RARB: variants seen among roughly 807,000 people sequenced by gnomAD.
RARB encodes the protein retinoic acid receptor beta, also known as HBV-activated protein.
A neutral mutation model predicts 51.9 loss-of-function variants in RARB; 17 were observed. The ratio of observed to expected loss-of-function variants is 0.33; its 90% CI spans 0.22 to 0.49. RARB has a LOEUF of 0.49. Ranked by LOEUF, RARB falls within the 20% of genes least tolerant of loss-of-function variation. RARB has a pLI of 0.99. For synonymous variants in RARB, 215 were observed against 195.4 expected (o/e 1.10, Z -0.84); for missense variants, 369 against 550.8 (o/e 0.67, Z 3.30).
intron 5 of RARB, among the ~76,000 whole-genome samples, chr3:25,331,451 G>T (rs1189122778): frequency 6.6e-6 from 1 of 152,144 alleles, no homozygotes; most frequent in Non-Finnish European, 1.5e-5. Flanking sequence ...AACGAAGGCA[G>T]AAATAAAGAT....
At chr3:25,068,495 T>C (rs980604424) in intron 3 of RARB, among the ~76,000 whole-genome samples, 13 of 152,100 alleles carry the variant, frequency 8.5e-5, no homozygotes, top group African/African-American at 3.1e-4. Context: ...ATAAATTAAA[T>C]AAAAAGACTT....
chr3:24,904,870 G>A (rs1694820453), intron 2 of RARB, among the ~76,000 whole-genome samples: 1 of 152,226 alleles, frequency 6.6e-6, no homozygotes, highest in South Asian at 2.1e-4. Context: ...CAGGGACATG[G>A]ATGAAGCTGG....
chr3:25,061,816 G>C (rs1038538353), intron 3 of RARB, among the ~76,000 whole-genome samples: 3 of 151,718 alleles, frequency 2.0e-5, no homozygotes, highest in African/African-American at 7.2e-5. Flanking sequence ...TGATTTGTTA[G>C]AATAAGTATA....
At position 25,593,498 on chromosome 3, in the gene RARB, TCCAG is replaced by T. The variant is rs1575550230; in HGVS notation, c.787-4_787-1del. ...GAACATCCATCAATTTTTTTTTCCT[TCCAG>T]ATTCTTAGAATTTGCACCAGGTATA... On this transcript the variant is annotated splice_acceptor_variant and splice_polypyrimidine_tract_variant and intron_variant, in intron 5 of 7. Coordinates refer to ENST00000330688, the MANE Select transcript of RARB (RefSeq NM_000965.5). LOFTEE classifies it high-confidence loss of function. 1 of 1,612,702 alleles carries T rather than the reference TCCAG, an allele frequency of 6.2e-7. No homozygotes were observed. The highest frequency in any genetic ancestry group is 8.5e-7 in the Non-Finnish European group (1 of 1,178,964).
At chr3:25,504,172 C>G (rs961488241) in intron 3 of RARB, among the ~76,000 whole-genome samples, 4 of 152,214 alleles carry the variant, frequency 2.6e-5, no homozygotes, top group South Asian at 2.1e-4. Context: ...GAGTAATATG[C>G]TGGATCCAAA....
chr3:24,836,452 A>C (rs1333185991), intron 1 of RARB, among the ~76,000 whole-genome samples: 1 of 152,176 alleles, frequency 6.6e-6, no homozygotes, highest in Non-Finnish European at 1.5e-5. Flanking sequence ...CAACAGCTTC[A>C]TGACTGGAGA....
chr3:25,122,559 G>A (rs764670867), intron 3 of RARB, among the ~76,000 whole-genome samples: 3 of 152,066 alleles, frequency 2.0e-5, no homozygotes, highest in Admixed American at 6.6e-5. Context: ...TCAGACTTAC[G>A]GCAAGGGACA....
intron 6 of RARB, 84 bp from the exon 7 acceptor site, chr3:25,594,436 A>G (rs1257613245): frequency 1.5e-6 from 2 of 1,369,916 alleles, no homozygotes; most frequent in Non-Finnish European, 2.0e-6. Context: ...TAATGAACTC[A>G]TAACAGTAGG....
intron 2 of RARB, among the ~76,000 whole-genome samples, chr3:24,955,071 G>T (rs1285107438): frequency 6.6e-6 from 1 of 152,200 alleles, no homozygotes; most frequent in Non-Finnish European, 1.5e-5. Flanking sequence ...TTTTTTGGCA[G>T]TCAGGACAAA....
Position 25,569,844 on chromosome 3 carries a change from G to A in RARB, c.535G>A (p.Asp179Asn), listed in dbSNP as rs1331686882. Residue 179 changes from aspartate to asparagine, a missense_variant, in exon 4 of 8, where the codon GAT becomes AAT. By Grantham distance (23) the Asp-to-Asn change is conservative. Transcript: ENST00000330688. ...CTATGAAATGACAGCTGAGTTGGAC[G>A]ATCTCACAGAGAAGATCCGAAAAGC... is the stretch of plus-strand genomic sequence containing the variant. ...ESYEMTAELDDLTEKIRKAHQ... is the reference protein window; with the variant it reads ...ESYEMTAELDNLTEKIRKAHQ... The A allele has an allele frequency of 4.3e-6, 7 of 1,614,046 alleles. No homozygotes were observed. The highest frequency in any genetic ancestry group is 1.7e-5 in the Admixed American group (1 of 60,008).
At chr3:24,971,048 T>A (rs1025706714) in intron 2 of RARB, among the ~76,000 whole-genome samples, 2 of 151,992 alleles carry the variant, frequency 1.3e-5, no homozygotes, top group Non-Finnish European at 2.9e-5. Context: ...TATTATCAGG[T>A]TATATGCAGT....
intron 3 of RARB, among the ~76,000 whole-genome samples, chr3:25,556,847 C>G (rs1559466068): frequency 6.6e-6 from 1 of 152,142 alleles, no homozygotes; most frequent in African/African-American, 2.4e-5. Context: ...ACACCACAGC[C>G]CTAATTTGAG....
intron 3 of RARB, among the ~76,000 whole-genome samples, chr3:25,548,075 T>C (rs1699690425): frequency 6.6e-6 from 1 of 151,386 alleles, no homozygotes; most frequent in Non-Finnish European, 1.5e-5. Context: ...CTGTAAAATA[T>C]ATTGTCATTT....
At chr3:25,158,541 A>G (rs2125345139) in intron 4 of RARB, among the ~76,000 whole-genome samples, 1 of 152,246 alleles carries the variant, frequency 6.6e-6, no homozygotes, top group Admixed American at 6.5e-5. Context: ...GGGAGGTGGT[A>G]ACTCTTCTTC....
At chr3:25,459,346 G>C (rs1695058401) in intron 1 of RARB, among the ~76,000 whole-genome samples, 2 of 152,290 alleles carry the variant, frequency 1.3e-5, no homozygotes, top group South Asian at 4.2e-4. Context: ...AGACAGAATA[G>C]ATGCCAATTA....
At chr3:24,873,531 AGGGGACCAAATGGATTGT>A (rs1702985432) in intron 2 of RARB, among the ~76,000 whole-genome samples, 1 of 151,884 alleles carries the variant, frequency 6.6e-6, no homozygotes. Context: ...TAGTCTTCTC[AGGGGACCAAATGGATTGT>A]GGGTTCTCTC....
chr3:25,478,612 G>A (rs138104926), intron 2 of RARB, among the ~76,000 whole-genome samples: 79 of 152,308 alleles, frequency 5.2e-4, no homozygotes, highest in African/African-American at 1.6e-3. Context: ...CTGTGAGTGC[G>A]TTCTGGCTTT....
chr3:25,295,067 C>T (rs1464011606), intron 5 of RARB, among the ~76,000 whole-genome samples: 1 of 152,166 alleles, frequency 6.6e-6, no homozygotes, highest in Non-Finnish European at 1.5e-5. Context: ...ATTATATAGA[C>T]TATGTGTTAC....
At chr3:25,435,097 C>T (rs1017104814) in intron 1 of RARB, among the ~76,000 whole-genome samples, 2 of 152,150 alleles carry the variant, frequency 1.3e-5, no homozygotes, top group African/African-American at 4.8e-5. Flanking sequence ...ACAGATTCTC[C>T]TCAGTCCACT....
Sources: allele counts gnomAD v4.1 joint callset (sites outside exome capture counted in the v4.1 genomes callset), GRCh38; gene constraint gnomAD v4.1.1; transcripts MANE v1.5; gene names NCBI Gene and HGNC (gene_info 2026-07-23, HGNC 2026-07-21).